Variants in CACNA1B observed in about 807,000 individuals in gnomAD.
CACNA1B encodes calcium voltage-gated channel subunit alpha1 B.
CACNA1B carries 70 observed loss-of-function variants against 247.2 expected under a neutral mutation model. The ratio of observed to expected loss-of-function variants is 0.28; its 90% CI spans 0.23 to 0.35. CACNA1B has a LOEUF of 0.35. Ranked by LOEUF, CACNA1B falls within the 10% of genes least tolerant of loss-of-function variation. The pLI is 1.00. For synonymous variants in CACNA1B, 1,231 were observed against 1,294.4 expected (o/e 0.95, Z 1.05); for missense variants, 2,367 against 3,197.4 (o/e 0.74, Z 6.26).
intron 36 of CACNA1B, among the ~76,000 whole-genome samples, chr9:138,093,008 G>A (rs1345247186): frequency 2.0e-5 from 3 of 151,922 alleles, no homozygotes. Context: ...TGACCAATAA[G>A]CACATGAAAA....
chr9:138,121,833 C>T lies in CACNA1B; in HGVS notation c.6854C>T (p.Ala2285Val), dbSNP rs1962112897. Residue 2285 changes from alanine (A) to valine (V), a missense_variant, in exon 47 of 47, where the codon GCC becomes GTC. Physicochemically the swap from Ala to Val is moderately conservative, Grantham distance 64 (BLOSUM62 0). Around this residue, in one of 12 missense-constraint regions of CACNA1B, gnomAD observed 773 missense variants for 779.4 expected, o/e 0.99. Coordinates refer to ENST00000371372, the MANE Select transcript of CACNA1B (RefSeq NM_000718.4). This position sits in a 1 kb window ranked among gnomAD's most constrained non-coding sequence, Gnocchi z 6.8. ...EDTLTFEEAVATNSGRSSRTS... is the reference protein window; with the variant it reads ...EDTLTFEEAVVTNSGRSSRTS... ...ACTCTCACTTTCGAGGAGGCTGTGG[C>T]CACCAACTCGGGCCGCTCCTCCAGG... 2.5e-6 allele frequency: 4 copies of T among 1,613,170 alleles called. No homozygotes were observed. The highest frequency in any genetic ancestry group is 2.2e-5 in the East Asian group (1 of 44,888).
Position 138,122,165 on chromosome 9 carries a change from G to A in CACNA1B, c.*166G>A, listed in dbSNP as rs9776396. The stretch of plus-strand genomic sequence containing the variant: ...CCTCCCCTCTTTTACTCTAGACGAC[G>A]AATAAAGCCCTGTTAGAGGATGCGG... On this transcript the variant is annotated 3_prime_UTR_variant, in exon 47 of 47. Transcript: ENST00000371372. 3,009 of 621,844 alleles carry A rather than the reference G, an allele frequency of 4.8e-3. 65 individuals carry two copies. The African/African-American group carries it at 0.049, about 10-fold the overall frequency. 38.5% of individuals were successfully genotyped at this position (621,844 alleles called of 1,614,324 possible). A position where few individuals can be genotyped will look rare whatever the true frequency, so the allele number is the denominator to read the frequency against.
At chr9:137,956,103 C>G (rs1957944235) in intron 8 of CACNA1B, among the ~76,000 whole-genome samples, 1 of 152,190 alleles carries the variant, frequency 6.6e-6, no homozygotes. Context: ...TGCCCTGACT[C>G]TGGGTTTTGT....
At chr9:137,962,665 G>C (rs972200231) in intron 10 of CACNA1B, among the ~76,000 whole-genome samples, 1 of 152,170 alleles carries the variant, frequency 6.6e-6, no homozygotes, top group Non-Finnish European at 1.5e-5. Flanking sequence ...TCAGGAGCAG[G>C]TTGTTCATTT....
intron 6 of CACNA1B, among the ~76,000 whole-genome samples, chr9:137,949,102 T>G (rs146180843): frequency 4.4e-4 from 63 of 143,582 alleles, no homozygotes; most frequent in Non-Finnish European, 4.6e-4. Context: ...GTGTGCATGT[T>G]TGTGGTGGCT....
chr9:138,083,619 A>C (rs1180359553), intron 36 of CACNA1B, among the ~76,000 whole-genome samples: 2 of 136,130 alleles, frequency 1.5e-5, no homozygotes, highest in Non-Finnish European at 3.1e-5. Flanking sequence ...AGGGCTGTGC[A>C]TCCCAGGGCT....
intron 20 of CACNA1B, chr9:138,040,579 C>G (rs1351805156): frequency 2.3e-6 from 1 of 435,500 alleles, no homozygotes; most frequent in South Asian, 1.6e-5. Flanking sequence ...AGCTGAGGAG[C>G]AAGGAGAGCC....
At position 138,059,803 on chromosome 9, in the gene CACNA1B, C is replaced by G; in HGVS notation, c.4668+66C>G. On this transcript the variant is annotated intron_variant, in intron 31 of 46. Coordinates refer to ENST00000371372, the MANE Select transcript of CACNA1B (RefSeq NM_000718.4). This position sits in a 1 kb window ranked among gnomAD's most constrained non-coding sequence, Gnocchi z 4.2. ...GTTTCCTTCTAGAGCCTGCTCCCCT[C>G]AGTGCATCTCCAGGCCCTGTGTTAG... is the stretch of plus-strand genomic sequence containing the variant. 1.1e-6 allele frequency: 1 copy of G among 890,936 alleles called. No individual in the cohort carries two copies. The highest frequency in any genetic ancestry group is 1.9e-6 in the Non-Finnish European group (1 of 525,486). The allele number at this position is 890,936 out of a possible 1,614,324, so 55.2% of individuals were successfully genotyped here. A position where few individuals can be genotyped will look rare whatever the true frequency, so the allele number is the denominator to read the frequency against.
At chr9:137,893,755 G>T (rs1403793817) in intron 3 of CACNA1B, among the ~76,000 whole-genome samples, 1 of 152,176 alleles carries the variant, frequency 6.6e-6, no homozygotes, top group Non-Finnish European at 1.5e-5. Context: ...TATAGAGAGA[G>T]CAGTGTACTC....
At position 138,011,797 on chromosome 9, in the gene CACNA1B, A is replaced by T. The variant is rs1156882311; in HGVS notation, c.2161-1332A>T. ...TTCGCAGGCAGCTAACAAGGGACTT[A>T]GTTTCTGCCAGCGTTGCGCCCCGAA... On this transcript the variant is annotated intron_variant, in intron 17 of 46. Transcript: ENST00000371372. This position sits in a 1 kb window ranked among gnomAD's most constrained non-coding sequence, Gnocchi z 4.2. 6.6e-6 allele frequency among the ~76,000 whole-genome samples: 1 copy of T among 152,166 alleles called. No individual in the cohort carries two copies. Among genetic ancestry groups the T allele is most frequent in the African/African-American group, 2.4e-5 (1 of 41,440 alleles).
At chr9:137,945,803 C>A (rs948992626) in intron 6 of CACNA1B, among the ~76,000 whole-genome samples, 1 of 152,170 alleles carries the variant, frequency 6.6e-6, no homozygotes, top group Admixed American at 6.5e-5. Flanking sequence ...GACTTTGTTA[C>A]TTGTCCTAAA....
chr9:138,056,897 G>GTGTC (rs1959520252), intron 26 of CACNA1B, among the ~76,000 whole-genome samples: 1 of 149,354 alleles, frequency 6.7e-6, no homozygotes, highest in African/African-American at 2.5e-5. Flanking sequence ...CTTTGGAGGA[G>GTGTC]TGTCTATTCA....
At position 137,974,081 on chromosome 9, in the gene CACNA1B, T is replaced by G. The variant is rs145766557; in HGVS notation, c.1544-1826T>G. Among the ~76,000 whole-genome samples, 637 of 152,222 alleles carry G rather than the reference T, an allele frequency of 4.2e-3. 7 individuals carry two copies. Among genetic ancestry groups the G allele is most frequent in the African/African-American group, 0.015 (612 of 41,534 alleles). Reference sequence around the variant, plus strand: ...CCCACGCAGAGGGGCTCTGGGACTTTGTGGCCAGGCGTGTTGGGCCTTTCC... The same window carrying G: ...CCCACGCAGAGGGGCTCTGGGACTTGGTGGCCAGGCGTGTTGGGCCTTTCC... On this transcript the variant is annotated intron_variant, in intron 11 of 46. Transcript: ENST00000371372. This position sits in a 1 kb window ranked among gnomAD's most constrained non-coding sequence, Gnocchi z 4.5.
At chr9:138,088,045 T>C (rs1309628451) in intron 36 of CACNA1B, among the ~76,000 whole-genome samples, 2 of 151,942 alleles carry the variant, frequency 1.3e-5, no homozygotes, top group African/African-American at 4.8e-5. Context: ...AGAAACAATA[T>C]TGAGATGAAA....
At chr9:138,106,769 A>C (rs1009236452) in intron 39 of CACNA1B, among the ~76,000 whole-genome samples, 4 of 152,182 alleles carry the variant, frequency 2.6e-5, no homozygotes, top group African/African-American at 9.6e-5. Flanking sequence ...TCTCGAAAAC[A>C]ACCAAAAAAG....
At position 138,102,621 on chromosome 9, in the gene CACNA1B, TACCCCGCTCCCC is replaced by T. The variant is rs1961289551; in HGVS notation, c.5223-89_5223-78del. 6 of 514,214 alleles carry T rather than the reference TACCCCGCTCCCC, an allele frequency of 1.2e-5. No homozygotes were observed. In the South Asian group the frequency reaches 1.3e-4, roughly 11 times the overall value. The allele number at this position is 514,214 out of a possible 1,614,324, so 31.9% of individuals were successfully genotyped here. A position where few individuals can be genotyped will look rare whatever the true frequency, so the allele number is the denominator to read the frequency against. ...TTCTTGTCTGCTTCCTCCCTGCCCCTACCCCGCTCCCCTCCCCGCTCCCCTCCTGCTGCCGCT... is the reference window on the plus strand; with the variant it reads ...TTCTTGTCTGCTTCCTCCCTGCCCCTTCCCCGCTCCCCTCCTGCTGCCGCT... On this transcript the variant is annotated intron_variant, in intron 37 of 46. Transcript: ENST00000371372. This position sits in a 1 kb window ranked among gnomAD's most constrained non-coding sequence, Gnocchi z 5.4.
At position 137,974,037 on chromosome 9, in the gene CACNA1B, G is replaced by A. The variant is rs755030890; in HGVS notation, c.1544-1870G>A. 1.1e-4 allele frequency among the ~76,000 whole-genome samples: 16 copies of A among 152,214 alleles called. No individual in the cohort carries two copies. The highest frequency in any genetic ancestry group is 3.9e-4 in the African/African-American group (16 of 41,454). ...CCTGGGTCCGAGCCCCTCGTGTGGG[G>A]AGCCCGAGGCCTTTGTGACCCACGC... On this transcript the variant is annotated intron_variant, in intron 11 of 46. Transcript: ENST00000371372. The surrounding 1 kb of genome is among the most constrained non-coding windows in gnomAD (Gnocchi z 4.5).
intron 42 of CACNA1B, among the ~76,000 whole-genome samples, chr9:138,116,466 C>A (rs1163225914): frequency 1.3e-5 from 2 of 152,166 alleles, no homozygotes; most frequent in African/African-American, 4.8e-5. Flanking sequence ...CGCTGGCAGC[C>A]CCCCATTCCC....
Position 138,113,580 on chromosome 9 carries a change from C to A in CACNA1B, c.5537-798C>A, listed in dbSNP as rs1290626655. Among the ~76,000 whole-genome samples the A allele has an allele frequency of 1.6e-3, 107 of 68,978 alleles. 3 individuals carry two copies. The highest frequency in any genetic ancestry group is 2.0e-4 in the Non-Finnish European group (7 of 35,672). 45.3% of individuals were successfully genotyped at this position (68,978 alleles called of 152,430 possible). On this transcript the variant is annotated intron_variant, in intron 40 of 46. Coordinates refer to ENST00000371372, the MANE Select transcript of CACNA1B (RefSeq NM_000718.4). ...CAGGAAGGTGCCCAACTGCATCTTG[C>A]GGGAGACGTGAGGGAGTGCCGGGAG...
Sources: gnomAD v4.1 joint callset for allele counts (sites outside exome capture counted in the v4.1 genomes callset) on GRCh38, gnomAD v4.1.1 for gene constraint, gnomAD v4.1.1 regional missense constraint, Gnocchi (gnomAD v3.1) non-coding constraint, MANE v1.5 for transcripts, NCBI Gene and HGNC (gene_info 2026-07-23, HGNC 2026-07-21) for gene names.